PTPRG: variants seen among roughly 807,000 people sequenced by gnomAD.
PTPRG encodes receptor-type tyrosine-protein phosphatase gamma.
In PTPRG, 102 loss-of-function variants were observed where a neutral mutation model predicts 165.3. That is an observed-to-expected ratio of 0.62 (90% CI 0.53 to 0.73). The LOEUF is 0.73. PTPRG is among the 30% of genes least tolerant of loss of function. The probability of loss-of-function intolerance (pLI) is 0.00; values close to 1 mark genes in which losing one functional copy is unlikely to be tolerated. For missense variants in PTPRG, 1,866 were observed against 1,861.4 expected, an observed-to-expected ratio of 1.00 and a Z score of -0.05; for synonymous variants, 675 against 669.5, an observed-to-expected ratio of 1.01 and a Z score of -0.13.
chr3:61,829,337 G>C (rs535510611), intron 2 of PTPRG, among the ~76,000 whole-genome samples: 1 of 152,212 alleles, frequency 6.6e-6, no homozygotes, highest in African/African-American at 2.4e-5. Context: ...TATCACAAAC[G>C]TGCACTCTGT....
In PTPRG at chr3:61,646,474, T is replaced by G. The variant is rs1286240298; in HGVS notation, c.85+84102T>G. 2.0e-5 allele frequency among the ~76,000 whole-genome samples: 3 copies of G among 152,232 alleles called. No individual in the cohort carries two copies. In the East Asian group the frequency reaches 5.8e-4, roughly 29 times the overall value. On this transcript the variant is annotated intron_variant, in intron 1 of 29. Transcript: ENST00000474889. ...CAAAACTCTTCTGGAATTACACATC[T>G]AGAAATGCTCCCATTCAAAACATTA...
chr3:62,170,323 C>T (rs1434221430), intron 8 of PTPRG, among the ~76,000 whole-genome samples: 1 of 151,902 alleles, frequency 6.6e-6, no homozygotes, highest in African/African-American at 2.4e-5. Flanking sequence ...AATCAGGTCT[C>T]CTGGGGATTT....
intron 1 of PTPRG, among the ~76,000 whole-genome samples, chr3:61,636,454 C>G (rs1406801320): frequency 6.6e-6 from 1 of 152,142 alleles, no homozygotes; most frequent in Non-Finnish European, 1.5e-5. Context: ...AAAATATTTT[C>G]AAGGTTCATC....
intron 4 of PTPRG, among the ~76,000 whole-genome samples, chr3:62,029,375 G>T (rs914655764): frequency 6.6e-6 from 1 of 152,168 alleles, no homozygotes. Flanking sequence ...AGAGAAAGCT[G>T]TCTATTATTT....
At chr3:61,967,368 T>G (rs1377958663) in intron 2 of PTPRG, among the ~76,000 whole-genome samples, 1 of 152,174 alleles carries the variant, frequency 6.6e-6, no homozygotes, top group East Asian at 1.9e-4. Flanking sequence ...CATTTTATTA[T>G]TACTCATTTT....
At chr3:61,744,143 C>T (rs1007614772) in intron 1 of PTPRG, among the ~76,000 whole-genome samples, 1 of 151,982 alleles carries the variant, frequency 6.6e-6, no homozygotes, top group Non-Finnish European at 1.5e-5. Flanking sequence ...CTGCTCCTTG[C>T]CAATAAAATA....
At chr3:61,568,623 T>A (rs564632423) in intron 1 of PTPRG, among the ~76,000 whole-genome samples, 1 of 152,242 alleles carries the variant, frequency 6.6e-6, no homozygotes, top group South Asian at 2.1e-4. Context: ...AAAAATTTTT[T>A]TTTTGGCCTG....
intron 1 of PTPRG, among the ~76,000 whole-genome samples, chr3:61,731,792 G>T (rs1575616421): frequency 6.6e-6 from 1 of 151,684 alleles, no homozygotes; most frequent in Admixed American, 6.6e-5. Context: ...AACTGCATAG[G>T]TACTTTTTTT....
At chr3:61,814,369 G>T (rs562367714) in intron 2 of PTPRG, among the ~76,000 whole-genome samples, 1 of 152,100 alleles carries the variant, frequency 6.6e-6, no homozygotes, top group Admixed American at 6.5e-5. Flanking sequence ...TCCACTTCTC[G>T]TATACAAGAA....
At chr3:61,845,471 G>A (rs529571889) in intron 2 of PTPRG, among the ~76,000 whole-genome samples, 1 of 152,136 alleles carries the variant, frequency 6.6e-6, no homozygotes, top group African/African-American at 2.4e-5. Context: ...CTATTATCCC[G>A]GGACTTGAAA....
At chr3:62,105,062 G>A (rs1427476851) in intron 5 of PTPRG, among the ~76,000 whole-genome samples, 2 of 73,336 alleles carry the variant, frequency 2.7e-5, no homozygotes, top group Non-Finnish European at 3.4e-5. Flanking sequence ...GGCAAGAAAC[G>A]CCTCAGTTAA....
rs533814654 is a variant in PTPRG at position 61,683,632 on chromosome 3, T to C, written c.86-65246T>C. Reference sequence around the variant, plus strand: ...TGGAAATCCCTTTGAATTGTTTTCCTTTTCATGGGACATAGTGTTCCTTTC... The same window carrying C: ...TGGAAATCCCTTTGAATTGTTTTCCCTTTCATGGGACATAGTGTTCCTTTC... On this transcript the variant is annotated intron_variant, in intron 1 of 29. Transcript: ENST00000474889. 2.7e-3 allele frequency among the ~76,000 whole-genome samples: 418 copies of C among 152,338 alleles called. 9 individuals are homozygous for C. Among genetic ancestry groups the C allele is most frequent in the Admixed American group, 0.025 (385 of 15,300 alleles).
intron 2 of PTPRG, among the ~76,000 whole-genome samples, chr3:61,849,100 A>T (rs764984095): frequency 6.6e-6 from 1 of 152,210 alleles, no homozygotes; most frequent in Non-Finnish European, 1.5e-5. Context: ...TTCCTCTCTC[A>T]GTGGGAAACA....
At chr3:62,169,926 A>C (rs1705153238) in intron 8 of PTPRG, among the ~76,000 whole-genome samples, 1 of 152,302 alleles carries the variant, frequency 6.6e-6, no homozygotes, top group South Asian at 2.1e-4. Flanking sequence ...CTGCAGTGAC[A>C]TGCACTTTGA....
intron 1 of PTPRG, among the ~76,000 whole-genome samples, chr3:61,660,952 G>A (rs571474164): frequency 7.2e-5 from 11 of 152,202 alleles, no homozygotes; most frequent in East Asian, 1.9e-4. Context: ...CAGTGAGCCC[G>A]GATTGTGCCA....
intron 2 of PTPRG, among the ~76,000 whole-genome samples, chr3:61,852,269 G>A (rs1462739156): frequency 1.3e-5 from 2 of 152,146 alleles, no homozygotes; most frequent in Non-Finnish European, 2.9e-5. Context: ...CAAGAAGGAT[G>A]GGGTCTGACT....
intron 1 of PTPRG, among the ~76,000 whole-genome samples, chr3:61,689,575 T>A (rs1015958018): frequency 6.6e-6 from 1 of 152,166 alleles, no homozygotes; most frequent in Non-Finnish European, 1.5e-5. Flanking sequence ...TTAATTTCTG[T>A]TGTAGGATGC....
At chr3:62,152,003 A>G (rs1704354029) in intron 6 of PTPRG, among the ~76,000 whole-genome samples, 1 of 152,192 alleles carries the variant, frequency 6.6e-6, no homozygotes, top group African/African-American at 2.4e-5. Flanking sequence ...TTTAAGTAGA[A>G]TAGTTAGGAT....
intron 1 of PTPRG, among the ~76,000 whole-genome samples, chr3:61,636,362 C>CTAAT (rs1239829639): frequency 6.6e-6 from 1 of 152,216 alleles, no homozygotes; most frequent in Non-Finnish European, 1.5e-5. Flanking sequence ...TAAGCATCTA[C>CTAAT]TAATTACTAT....
Sources: gnomAD v4.1 joint callset for allele counts (sites outside exome capture counted in the v4.1 genomes callset) on GRCh38, gnomAD v4.1.1 for gene constraint, MANE v1.5 for transcripts, NCBI Gene and HGNC (gene_info 2026-07-23, HGNC 2026-07-21) for gene names.